The following SLCO6A1 variants were observed in gnomAD, a reference collection of about 807,000 sequenced individuals.
The protein encoded by SLCO6A1 is solute carrier organic anion transporter family member 6A1.
In SLCO6A1, 65 loss-of-function variants were observed where a neutral mutation model predicts 72.7. The ratio of observed to expected loss-of-function variants is 0.89; its 90% confidence interval spans 0.73 to 1.10. The LOEUF (loss-of-function observed/expected upper bound fraction) is 1.10. Ranked by LOEUF, SLCO6A1 falls within the 50% of genes least tolerant of loss-of-function variation. The probability of loss-of-function intolerance (pLI) is 0.00; values close to 1 mark genes in which losing one functional copy is unlikely to be tolerated. For synonymous variants in SLCO6A1, 314 were observed against 298.2 expected (o/e 1.05, Z -0.55); for missense variants, 874 against 872.6 (o/e 1.00, Z -0.02).
rs77049265 is a variant in SLCO6A1 at position 102,476,591 on chromosome 5, A to C, written c.803-798T>G. 4.9e-4 allele frequency among the ~76,000 whole-genome samples: 75 copies of C among 152,302 alleles called. 3 individuals are homozygous for C. The highest frequency in any genetic ancestry group is 4.1e-3 in the East Asian group (21 of 5,172). ...ACTAGGTGTCATAACCCAGCCAAGCAAACACATAAAACTAACCATCATACA... is the reference window on the plus strand; with the variant it reads ...ACTAGGTGTCATAACCCAGCCAAGCCAACACATAAAACTAACCATCATACA... On this transcript the variant is annotated intron_variant, in intron 3 of 13. Transcript: ENST00000506729.
intron 8 of SLCO6A1, among the ~76,000 whole-genome samples, chr5:102,413,414 A>T (rs59399361): frequency 0.26 from 39,026 of 151,562 alleles, 5,777 homozygotes; most frequent in South Asian, 0.35. Flanking sequence ...ATAATAATAA[A>T]AAAAAAAACC....
intron 3 of SLCO6A1, among the ~76,000 whole-genome samples, chr5:102,477,326 G>T (rs1352384445): frequency 6.6e-6 from 1 of 152,020 alleles, no homozygotes; most frequent in African/African-American, 2.4e-5. Context: ...GTTTCACTAT[G>T]TTGGCCAGGC....
chr5:102,397,556 C>T (rs1054423815), intron 10 of SLCO6A1, among the ~76,000 whole-genome samples: 3 of 152,044 alleles, frequency 2.0e-5, no homozygotes, highest in African/African-American at 4.8e-5. Context: ...CGGCCATGTC[C>T]GGACCTCCTG....
intron 7 of SLCO6A1, among the ~76,000 whole-genome samples, chr5:102,430,657 C>G (rs939656579): frequency 8.5e-5 from 13 of 152,084 alleles, no homozygotes; most frequent in African/African-American, 3.1e-4. Flanking sequence ...CCTACTTGAT[C>G]ATGGTGGATT....
At chr5:102,462,258 C>T (rs1751076052) in intron 4 of SLCO6A1, among the ~76,000 whole-genome samples, 1 of 152,164 alleles carries the variant, frequency 6.6e-6, no homozygotes, top group Admixed American at 6.6e-5. Context: ...AATGGAAGCA[C>T]ATTCCATGCT....
At chr5:102,463,160 T>G (rs953934575) in intron 4 of SLCO6A1, among the ~76,000 whole-genome samples, 1 of 151,918 alleles carries the variant, frequency 6.6e-6, no homozygotes, top group East Asian at 1.9e-4. Flanking sequence ...AATAAACATA[T>G]GAAAAAATGC....
intron 4 of SLCO6A1, among the ~76,000 whole-genome samples, chr5:102,471,328 T>A (rs1751600577): frequency 6.6e-6 from 1 of 152,026 alleles, no homozygotes. Flanking sequence ...TCAATAGAGA[T>A]TTATACCTCA....
Position 102,428,587 on chromosome 5 carries a change from A to G in SLCO6A1, c.1277-8566T>C, listed in dbSNP as rs369862010. On this transcript the variant is annotated intron_variant, in intron 7 of 13. Coordinates refer to ENST00000506729, the MANE Select transcript of SLCO6A1 (RefSeq NM_173488.5). Reference sequence around the variant, plus strand: ...GTCACAAGGGTTTGTTATACAGATTATCTCATTACCCAGGTAAAAAGCTTA... The same window carrying G: ...GTCACAAGGGTTTGTTATACAGATTGTCTCATTACCCAGGTAAAAAGCTTA... Among the ~76,000 whole-genome samples the G allele has an allele frequency of 8.5e-5, 13 of 152,276 alleles. No individual in the cohort carries two copies. In the East Asian group the frequency reaches 2.3e-3, roughly 27 times the overall value.
chr5:102,486,421 G>C (rs183269048), intron 1 of SLCO6A1, among the ~76,000 whole-genome samples: 14 of 152,104 alleles, frequency 9.2e-5, no homozygotes, highest in Admixed American at 5.2e-4. Context: ...TTCATTCATT[G>C]AATACTTTAA....
chr5:102,422,913 T>A (rs1045979678), intron 7 of SLCO6A1, among the ~76,000 whole-genome samples: 1 of 150,802 alleles, frequency 6.6e-6, no homozygotes, highest in Non-Finnish European at 1.5e-5. Flanking sequence ...CCCATCAGAC[T>A]AAGAGCAGAT....
intron 6 of SLCO6A1, among the ~76,000 whole-genome samples, chr5:102,453,627 C>A (rs1750550963): frequency 6.6e-6 from 1 of 152,142 alleles, no homozygotes; most frequent in Non-Finnish European, 1.5e-5. Context: ...TTTTCTGTCT[C>A]TTGTTTATTA....
intron 9 of SLCO6A1, among the ~76,000 whole-genome samples, chr5:102,400,202 C>T (rs1015289083): frequency 2.6e-5 from 4 of 151,750 alleles, no homozygotes; most frequent in African/African-American, 9.7e-5. Context: ...GGCTGCTATC[C>T]ATTTGGGACA....
intron 4 of SLCO6A1, among the ~76,000 whole-genome samples, chr5:102,462,894 A>C (rs1751114470): frequency 6.6e-6 from 1 of 152,166 alleles, no homozygotes; most frequent in African/African-American, 2.4e-5. Context: ...AAGAATCCCA[A>C]AGCAAATCCT....
At chr5:102,476,952 G>T (rs950980630) in intron 3 of SLCO6A1, among the ~76,000 whole-genome samples, 1 of 152,052 alleles carries the variant, frequency 6.6e-6, no homozygotes, top group South Asian at 2.1e-4. Context: ...AGACAGTACA[G>T]GTTATTCTGA....
intron 11 of SLCO6A1, among the ~76,000 whole-genome samples, chr5:102,389,242 A>G (rs1225226039): frequency 6.6e-6 from 1 of 152,170 alleles, no homozygotes; most frequent in Non-Finnish European, 1.5e-5. Context: ...GCAAATGTAT[A>G]TCTGTTATTT....
intron 1 of SLCO6A1, among the ~76,000 whole-genome samples, chr5:102,495,766 G>A (rs898325417): frequency 6.6e-6 from 1 of 151,918 alleles, no homozygotes; most frequent in African/African-American, 2.4e-5. Context: ...AAGGATGGAG[G>A]GAAAGGGAGA....
At chr5:102,396,968 T>C (rs895273308) in intron 10 of SLCO6A1, among the ~76,000 whole-genome samples, 4 of 152,134 alleles carry the variant, frequency 2.6e-5, no homozygotes, top group African/African-American at 9.7e-5. Context: ...TTCCCAAAAG[T>C]TCCACCTCTC....
At chr5:102,391,561 C>T (rs938778452) in intron 10 of SLCO6A1, among the ~76,000 whole-genome samples, 1 of 151,768 alleles carries the variant, frequency 6.6e-6, no homozygotes, top group Non-Finnish European at 1.5e-5. Flanking sequence ...TTCAAAGGTT[C>T]CCTCCCAGCA....
intron 7 of SLCO6A1, among the ~76,000 whole-genome samples, chr5:102,430,201 G>T (rs942264079): frequency 2.6e-5 from 4 of 151,996 alleles, no homozygotes; most frequent in Admixed American, 2.6e-4. Flanking sequence ...AGGAGCTTTT[G>T]GGCCAAGACT....
Sources: allele counts gnomAD v4.1 joint callset (sites outside exome capture counted in the v4.1 genomes callset), GRCh38; gene constraint gnomAD v4.1.1; transcripts MANE v1.5; gene names NCBI Gene and HGNC (gene_info 2026-07-23, HGNC 2026-07-21).